The following CLRN3 variants were observed in gnomAD, a reference collection of about 807,000 sequenced individuals.
CLRN3 encodes the protein clarin 3.
In CLRN3, 12 loss-of-function variants were observed where a neutral mutation model predicts 16.7. The ratio of observed to expected loss-of-function variants is 0.72; its 90% CI spans 0.46 to 1.16. The LOEUF is 1.16. Among genes scored for constraint, CLRN3 ranks in the 50% most tolerant of loss-of-function variants. CLRN3 has a pLI of 0.00. For missense variants in CLRN3, 296 were observed against 274.2 expected, an observed-to-expected ratio of 1.08 and a Z score of -0.56; for synonymous variants, 118 against 113.0, an observed-to-expected ratio of 1.04 and a Z score of -0.28.
intron 2 of CLRN3, among the ~76,000 whole-genome samples, chr10:127,881,790 T>A (rs1845131426): frequency 6.6e-6 from 1 of 152,146 alleles, no homozygotes; most frequent in Non-Finnish European, 1.5e-5. Flanking sequence ...GAGCCCAGAG[T>A]GGCCAGCAGT....
At chr10:127,890,182 A>T (rs1378007803) in intron 1 of CLRN3, among the ~76,000 whole-genome samples, 1 of 152,226 alleles carries the variant, frequency 6.6e-6, no homozygotes. Context: ...TGCTCAGGGA[A>T]GTTTTTTTGA....
chr10:127,883,599 G>GTGACTGTGTATGTTCATGCATGTGTGT (rs1845155609), intron 2 of CLRN3, 97 bp downstream of exon 2: 2 of 894,756 alleles, frequency 2.2e-6, no homozygotes, highest in Non-Finnish European at 3.8e-6. Flanking sequence ...TGGTGTAAAC[G>GTGACTGTGTATGTTCATGCATGTGTGT]TGACTGTGTA....
rs1399224982 is a variant in CLRN3 at position 127,878,339 on chromosome 10, A to G, written c.491T>C (p.Leu164Pro). Residue 164 changes from leucine to proline, a missense_variant, in exon 3 of 3, where the codon CTT becomes CCT. Transcript: ENST00000368671. ...NQLSEELFQMLYPATTSKGTT... is the reference protein window; with the variant it reads ...NQLSEELFQMPYPATTSKGTT... ...TCCTTTACTGGTGGTTGCCGGGTAAAGCATTTGGAACAACTCTTCGGAGAG... is the reference window on the plus strand; with the variant it reads ...TCCTTTACTGGTGGTTGCCGGGTAAGGCATTTGGAACAACTCTTCGGAGAG... 1.6e-5 allele frequency: 26 copies of G among 1,614,178 alleles called. No homozygotes were observed. The highest frequency in any genetic ancestry group is 2.1e-5 in the Non-Finnish European group (25 of 1,180,036).
At chr10:127,888,535 G>T (rs760547692) in intron 1 of CLRN3, among the ~76,000 whole-genome samples, 1 of 152,168 alleles carries the variant, frequency 6.6e-6, no homozygotes, top group Non-Finnish European at 1.5e-5. Context: ...TCTGCAGAAG[G>T]TCTATTTTTC....
At chr10:127,884,515 C>T (rs1720382441) in intron 1 of CLRN3, among the ~76,000 whole-genome samples, 1 of 152,256 alleles carries the variant, frequency 6.6e-6, no homozygotes, top group African/African-American at 2.4e-5. Flanking sequence ...ACCAGATGCC[C>T]AGAGGGCTCC....
In CLRN3 at chr10:127,889,350, G is replaced by A. The variant is rs560704118; in HGVS notation, c.229+3206C>T. Among the ~76,000 whole-genome samples the A allele has an allele frequency of 1.4e-4, 21 of 152,140 alleles. No homozygotes were observed. In the South Asian group the frequency reaches 4.1e-3, roughly 30 times the overall value. ...AAAGAAAAGAAAAATCTTGCCGGGC[G>A]CAGTGGTTCATGCCTGTAATTCCAG... On this transcript the variant is annotated intron_variant, in intron 1 of 2. Coordinates refer to ENST00000368671, the MANE Select transcript of CLRN3 (RefSeq NM_152311.5).
chr10:127,883,785 C>T lies in CLRN3; in HGVS notation c.320G>A (p.Ser107Asn), dbSNP rs760490974. 4.3e-6 allele frequency: 7 copies of T among 1,613,920 alleles called. No individual in the cohort carries two copies. The highest frequency in any genetic ancestry group is 5.9e-6 in the Non-Finnish European group (7 of 1,179,954). Residue 107 changes from serine to asparagine, a missense_variant, in exon 2 of 3, where the codon AGC becomes AAC. By Grantham distance (46) the Ser-to-Asn change is conservative. Coordinates refer to ENST00000368671, the MANE Select transcript of CLRN3 (RefSeq NM_152311.5). ...GCTGTTGTAGAAGGTAAACCCAGAG[C>T]TCAGCAGCGACGTGATCAAACTCAG... ...LVLSLITSLL[S>N]SGFTFYNSIS...
chr10:127,892,821 G>A lies in CLRN3; in HGVS notation c.-37C>T. On this transcript the variant is annotated 5_prime_UTR_variant, in exon 1 of 3. Coordinates refer to ENST00000368671, the MANE Select transcript of CLRN3 (RefSeq NM_152311.5). ...AATAAGTTCTCTAGGACAAAAAAAG[G>A]AATATCTTCTTATAACACTTTTGAA... 1 of 1,236,260 alleles carries A rather than the reference G, an allele frequency of 8.1e-7. No individual in the cohort carries two copies. Among genetic ancestry groups the A allele is most frequent in the East Asian group, 2.3e-5 (1 of 43,156 alleles). 76.6% of individuals were successfully genotyped at this position (1,236,260 alleles called of 1,614,324 possible).
intron 2 of CLRN3, among the ~76,000 whole-genome samples, chr10:127,880,869 G>T (rs1591259053): frequency 6.6e-6 from 1 of 152,154 alleles, no homozygotes; most frequent in East Asian, 1.9e-4. Flanking sequence ...AAGTCAGTCT[G>T]ATCATGCTGT....
chr10:127,884,771 G>A (rs972729420), intron 1 of CLRN3, among the ~76,000 whole-genome samples: 4 of 152,230 alleles, frequency 2.6e-5, no homozygotes, highest in Non-Finnish European at 5.9e-5. Flanking sequence ...CGGCTCTTTT[G>A]TGGAGGATGC....
At chr10:127,891,725 T>C (rs931453537) in intron 1 of CLRN3, among the ~76,000 whole-genome samples, 2 of 152,230 alleles carry the variant, frequency 1.3e-5, no homozygotes, top group Non-Finnish European at 2.9e-5. Flanking sequence ...AAACATTACA[T>C]GTGTATAAGG....
chr10:127,892,663 C>A lies in CLRN3; in HGVS notation c.122G>T (p.Arg41Ile), dbSNP rs756845457. Reference sequence around the variant, plus strand: ...AATGCTCCCATTTGAAGCAGAGTCTCTAACAGCAATTGTACTGGTGATCCA... The same window carrying A: ...AATGCTCCCATTTGAAGCAGAGTCTATAACAGCAATTGTACTGGTGATCCA... ...QAWITSTIAV[R>I]DSASNGSIFI... The change falls in exon 1 of 3, where the codon AGA becomes ATA. Residue 41 changes from arginine (R) to isoleucine (I), a missense_variant. Coordinates refer to ENST00000368671, the MANE Select transcript of CLRN3 (RefSeq NM_152311.5). 1 of 1,612,154 alleles carries A rather than the reference C, an allele frequency of 6.2e-7. No individual in the cohort carries two copies. The highest frequency in any genetic ancestry group is 2.2e-5 in the East Asian group (1 of 44,864).
chr10:127,879,076 T>C (rs1182055588), intron 2 of CLRN3, among the ~76,000 whole-genome samples: 1 of 152,232 alleles, frequency 6.6e-6, no homozygotes, highest in African/African-American at 2.4e-5. Context: ...GTCTTCCCTT[T>C]TTTATTCTTC....
chr10:127,890,567 C>T (rs1845246830), intron 1 of CLRN3, among the ~76,000 whole-genome samples: 1 of 152,082 alleles, frequency 6.6e-6, no homozygotes, highest in Admixed American at 6.6e-5. Flanking sequence ...CTCATGCTAG[C>T]CAAGAAGCTG....
chr10:127,884,879 A>T (rs1448301502), intron 1 of CLRN3, among the ~76,000 whole-genome samples: 1 of 152,212 alleles, frequency 6.6e-6, no homozygotes, highest in African/African-American at 2.4e-5. Context: ...CAGCACATGA[A>T]ATAGTGTTTA....
chr10:127,890,681 GA>G (rs1023368226), intron 1 of CLRN3, among the ~76,000 whole-genome samples: 6 of 152,188 alleles, frequency 3.9e-5, no homozygotes, highest in African/African-American at 1.4e-4. Context: ...TTTCTGATTT[GA>G]AAAAAGCCCC....
chr10:127,881,765 G>A (rs1845131123), intron 2 of CLRN3, among the ~76,000 whole-genome samples: 1 of 152,160 alleles, frequency 6.6e-6, no homozygotes, highest in African/African-American at 2.4e-5. Flanking sequence ...TCCTGGGGCT[G>A]CCACCATCAG....
chr10:127,890,183 G>C (rs1011545466), intron 1 of CLRN3, among the ~76,000 whole-genome samples: 5 of 152,192 alleles, frequency 3.3e-5, no homozygotes, highest in Non-Finnish European at 7.3e-5. Flanking sequence ...GCTCAGGGAA[G>C]TTTTTTTGAA....
At chr10:127,879,196 C>T (rs1201578124) in intron 2 of CLRN3, among the ~76,000 whole-genome samples, 1 of 152,154 alleles carries the variant, frequency 6.6e-6, no homozygotes, top group African/African-American at 2.4e-5. Flanking sequence ...TGAACCTCCA[C>T]CTCCCAGGCT....
Sources: allele counts gnomAD v4.1 joint callset (sites outside exome capture counted in the v4.1 genomes callset), GRCh38; gene constraint gnomAD v4.1.1; transcripts MANE v1.5; gene names NCBI Gene and HGNC (gene_info 2026-07-23, HGNC 2026-07-21).